Variants in JAK1 observed in about 807,000 individuals in gnomAD.
The protein encoded by JAK1 is Janus kinase 1.
In JAK1, 16 loss-of-function variants were observed where a neutral mutation model predicts 136.6. The observed-to-expected ratio is 0.12, with a 90% CI of 0.08 to 0.18. The LOEUF (loss-of-function observed/expected upper bound fraction) is 0.18, where lower values mean the gene tolerates loss of function less well. Among genes scored for constraint, JAK1 ranks in the 10% least tolerant of loss-of-function variants. JAK1 has a pLI of 1.00. For missense variants in JAK1, 859 were observed against 1,450.1 expected (o/e 0.59, Z 6.62); for synonymous variants, 492 against 519.5 (o/e 0.95, Z 0.72).
At chr1:65,050,119 C>G (rs112682753) in intron 1 of JAK1, among the ~76,000 whole-genome samples, 33 of 152,306 alleles carry the variant, frequency 2.2e-4, no homozygotes, top group African/African-American at 7.5e-4. Flanking sequence ...CTCACCCATA[C>G]TTAGCAAACA....
chr1:64,986,580 A>G (rs564463463), intron 2 of JAK1, among the ~76,000 whole-genome samples: 13 of 152,054 alleles, frequency 8.5e-5, no homozygotes, highest in Non-Finnish European at 1.8e-4. Context: ...TCTATCTTCT[A>G]AAGTTGTTGT....
intron 14 of JAK1, among the ~76,000 whole-genome samples, chr1:64,845,856 T>A (rs1655197535): frequency 6.6e-6 from 1 of 152,212 alleles, no homozygotes; most frequent in Admixed American, 6.5e-5. Context: ...GTGACACTTC[T>A]CTGAGCCTCA....
chr1:64,967,024 AG>A (rs1646398849), upstream of JAK1, among the ~76,000 whole-genome samples: 1 of 152,082 alleles, frequency 6.6e-6, no homozygotes, highest in Non-Finnish European at 1.5e-5. Flanking sequence ...AAGCTACTGC[AG>A]ATCCAACCCA....
intron 2 of JAK1, among the ~76,000 whole-genome samples, chr1:65,043,718 T>G (rs928978012): frequency 6.3e-5 from 7 of 110,480 alleles, no homozygotes; most frequent in African/African-American, 2.4e-4. Flanking sequence ...TTTTTTTTTT[T>G]TTTTTTTGCT....
At chr1:65,061,284 C>A (rs1331682515) in intron 1 of JAK1, among the ~76,000 whole-genome samples, 8 of 152,056 alleles carry the variant, frequency 5.3e-5, no homozygotes, top group African/African-American at 1.9e-4. Context: ...GGCCAGTAGT[C>A]CCAGCTACTT....
At chr1:64,970,955 C>T (rs192988300), upstream of JAK1, among the ~76,000 whole-genome samples, 3 of 152,322 alleles carry the variant, frequency 2.0e-5, no homozygotes, top group Non-Finnish European at 4.4e-5. Context: ...CAATCATACA[C>T]ACAGTTTCAC....
rs754667633 is a variant in JAK1 at position 64,844,265 on chromosome 1, G to A, written c.2252-50C>T. 2 of 1,607,190 alleles carry A rather than the reference G, an allele frequency of 1.2e-6. No homozygotes were observed. The highest frequency in any genetic ancestry group is 2.2e-5 in the East Asian group (1 of 44,832). ...GGAGCAGTTTCTGGGATCTCCTAGGGATTCAATTACTGTCACTGCAGCCAG... is the reference window on the plus strand; with the variant it reads ...GGAGCAGTTTCTGGGATCTCCTAGGAATTCAATTACTGTCACTGCAGCCAG... On this transcript the variant is annotated intron_variant, in intron 16 of 24. Coordinates refer to ENST00000342505, the MANE Select transcript of JAK1 (RefSeq NM_002227.4). The surrounding 1 kb of genome is among the most constrained non-coding windows in gnomAD (Gnocchi z 5.7).
Position 64,844,575 on chromosome 1 carries a change from G to A in JAK1, c.2251+179C>T, listed in dbSNP as rs937202392. ...GGAGGACGAACGGGGGCTCGTTCAA[G>A]GACTTAAGAGAAGGCAGGAGATCAA... On this transcript the variant is annotated intron_variant, in intron 16 of 24. Coordinates refer to ENST00000342505, the MANE Select transcript of JAK1 (RefSeq NM_002227.4). This position sits in a 1 kb window ranked among gnomAD's most constrained non-coding sequence, Gnocchi z 5.7. Among the ~76,000 whole-genome samples the A allele has an allele frequency of 6.7e-6, 1 of 148,434 alleles. No individual in the cohort carries two copies. Among genetic ancestry groups the A allele is most frequent in the Non-Finnish European group, 1.5e-5 (1 of 67,518 alleles).
chr1:64,973,205 A>AAAAGAAAGAAAGAAAGGAAAAG (rs1371559167), intron 2 of JAK1: 3 of 149,828 alleles, frequency 2.0e-5, no homozygotes, highest in Non-Finnish European at 3.0e-5. Flanking sequence ...GAAAGAAAGG[A>AAAAGAAAGAAAGAAAGGAAAAG]AAAGAAAGAA....
At chr1:64,854,552 T>C (rs1655801030) in intron 11 of JAK1, among the ~76,000 whole-genome samples, 1 of 152,190 alleles carries the variant, frequency 6.6e-6, no homozygotes, top group South Asian at 2.1e-4. Flanking sequence ...TTCTCATCTA[T>C]AAAATGAGAC....
intron 2 of JAK1, chr1:64,985,933 A>AG (rs1212411532): frequency 1.1e-6 from 1 of 874,728 alleles, no homozygotes; most frequent in Admixed American, 1.9e-5. Flanking sequence ...AACATCTCAG[A>AG]GGGAGGGGTA....
chr1:64,975,657 G>A (rs1646491818), intron 2 of JAK1, among the ~76,000 whole-genome samples: 1 of 152,152 alleles, frequency 6.6e-6, no homozygotes, highest in South Asian at 2.1e-4. Flanking sequence ...TTTGAGAAAT[G>A]TTATGTGGTG....
chr1:65,027,940 G>C (rs188727239), intron 2 of JAK1, among the ~76,000 whole-genome samples: 160 of 152,256 alleles, frequency 1.1e-3, no homozygotes, highest in Admixed American at 4.1e-3. Flanking sequence ...TGCGTGGCAC[G>C]CTGCCACAGC....
At chr1:65,006,873 T>A (rs544046639) in intron 2 of JAK1, among the ~76,000 whole-genome samples, 1 of 152,364 alleles carries the variant, frequency 6.6e-6, no homozygotes, top group South Asian at 2.1e-4. Flanking sequence ...AAGTAAGTTT[T>A]GTCATCTGCC....
At position 64,834,147 on chromosome 1, in the gene JAK1, C is replaced by T. The variant is rs1654320648; in HGVS notation, c.*415G>A. On this transcript the variant is annotated 3_prime_UTR_variant, in exon 25 of 25. Coordinates refer to ENST00000342505, the MANE Select transcript of JAK1 (RefSeq NM_002227.4). ...CTTTCTTTATCTATGATTAATGTGC[C>T]AGCAAAACATTTCAGATCAGCTGGC... is the stretch of plus-strand genomic sequence containing the variant. The T allele has an allele frequency of 4.0e-6, 1 of 247,566 alleles. No individual in the cohort carries two copies. The highest frequency in any genetic ancestry group is 4.9e-5 in the Admixed American group (1 of 20,320). 15.3% of individuals were successfully genotyped at this position (247,566 alleles called of 1,614,324 possible).
intron 1 of JAK1, among the ~76,000 whole-genome samples, chr1:65,056,948 C>G (rs1021196468): frequency 5.1e-5 from 7 of 136,020 alleles, no homozygotes; most frequent in African/African-American, 1.8e-4. Context: ...AAAAAAAAGT[C>G]ACAAATGGTT....
intron 2 of JAK1, among the ~76,000 whole-genome samples, chr1:64,988,659 G>T (rs1255665112): frequency 1.3e-5 from 2 of 151,924 alleles, no homozygotes; most frequent in Non-Finnish European, 2.9e-5. Context: ...AAGACAAGAG[G>T]ATCTCTTGAG....
intron 1 of JAK1, among the ~76,000 whole-genome samples, chr1:64,953,556 G>A (rs1646129510): frequency 1.3e-5 from 2 of 152,106 alleles, no homozygotes; most frequent in African/African-American, 4.8e-5. Flanking sequence ...GTCAAAAACA[G>A]CAATACAACT....
intron 19 of JAK1, among the ~76,000 whole-genome samples, chr1:64,840,461 G>C (rs1654821385): frequency 6.6e-6 from 1 of 152,184 alleles, no homozygotes; most frequent in Admixed American, 6.5e-5. Flanking sequence ...ACAATTAACT[G>C]TTTGGAAACT....
Sources: allele counts gnomAD v4.1 joint callset (sites outside exome capture counted in the v4.1 genomes callset), GRCh38; gene constraint gnomAD v4.1.1; non-coding constraint Gnocchi (gnomAD v3.1); transcripts MANE v1.5; gene names NCBI Gene and HGNC (gene_info 2026-07-23, HGNC 2026-07-21).